CCNY: variants seen among roughly 807,000 people sequenced by gnomAD.
CCNY encodes cyclin-Y.
In CCNY, 19 loss-of-function variants were observed where a neutral mutation model predicts 42.8. The observed-to-expected ratio is 0.44, with a 90% CI of 0.31 to 0.65. The LOEUF (loss-of-function observed/expected upper bound fraction) is 0.65. Among genes scored for constraint, CCNY ranks in the 30% least tolerant of loss-of-function variants. The probability of loss-of-function intolerance (pLI) is 0.07; values close to 1 mark genes in which losing one functional copy is unlikely to be tolerated. For missense variants in CCNY, 370 were observed against 437.3 expected, an observed-to-expected ratio of 0.85 and a Z score of 1.37; for synonymous variants, 165 against 162.7, an observed-to-expected ratio of 1.01 and a Z score of -0.11.
In CCNY at chr10:35,483,454, T is replaced by C; in HGVS notation, c.205T>C (p.Phe69Leu). Reference sequence around the variant, plus strand: ...AGATCATCCTCGGGCCAGCACAATATTCCTCAGTAAATCTCAGACGGACGG... The same window carrying C: ...AGATCATCCTCGGGCCAGCACAATACTCCTCAGTAAATCTCAGACGGACGG... Reference protein sequence around the residue: ...PSDHPRASTIFLSKSQTDVRE... With the variant: ...PSDHPRASTILLSKSQTDVRE... Residue 69 changes from phenylalanine to leucine, a missense_variant, in exon 2 of 10, where the codon TTC becomes CTC. By Grantham distance (22) the Phe-to-Leu change is conservative (BLOSUM62 0). Coordinates refer to ENST00000374704, the MANE Select transcript of CCNY (RefSeq NM_145012.6). 6.2e-7 allele frequency: 1 copy of C among 1,609,030 alleles called. No homozygotes were observed. The highest frequency in any genetic ancestry group is 8.5e-7 in the Non-Finnish European group (1 of 1,176,028).
chr10:35,311,979 C>G (rs1314143858), intron 3 of CCNY, among the ~76,000 whole-genome samples: 3 of 151,860 alleles, frequency 2.0e-5, no homozygotes, highest in African/African-American at 7.3e-5. Flanking sequence ...GAGCAAGACT[C>G]TGTCTAAAAA....
chr10:35,317,463 C>T (rs1835773868), intron 3 of CCNY, among the ~76,000 whole-genome samples: 1 of 152,182 alleles, frequency 6.6e-6, no homozygotes, highest in Non-Finnish European at 1.5e-5. Context: ...CCAAGCAGCA[C>T]ATGTGTTTAA....
At chr10:35,340,915 A>T (rs1050436492) in intron 1 of CCNY, among the ~76,000 whole-genome samples, 2 of 152,010 alleles carry the variant, frequency 1.3e-5, no homozygotes, top group South Asian at 4.1e-4. Context: ...AATATATCAG[A>T]CTTTGACCAC....
At chr10:35,371,950 A>T (rs1010316683) in intron 1 of CCNY, among the ~76,000 whole-genome samples, 1 of 152,236 alleles carries the variant, frequency 6.6e-6, no homozygotes, top group African/African-American at 2.4e-5. Context: ...TGTTTCTGAA[A>T]GATTTCAATG....
chr10:35,508,925 C>T (rs1205742086), intron 3 of CCNY, among the ~76,000 whole-genome samples: 1 of 152,130 alleles, frequency 6.6e-6, no homozygotes, highest in East Asian at 1.9e-4. Flanking sequence ...TTCCCCTCCC[C>T]CACTAGTCTA....
intron 1 of CCNY, chr10:35,394,839 G>A (rs1837487948): frequency 1.0e-6 from 1 of 985,346 alleles, no homozygotes; most frequent in Non-Finnish European, 1.2e-6. Flanking sequence ...CTGAAAGCAG[G>A]AGAAAGTGTT....
intron 3 of CCNY, among the ~76,000 whole-genome samples, chr10:35,298,375 T>G (rs917680803): frequency 1.3e-5 from 2 of 152,260 alleles, no homozygotes; most frequent in Non-Finnish European, 2.9e-5. Context: ...TTGATTAGTT[T>G]TACATTTTCT....
At chr10:35,288,274 A>G (rs1236095565) in intron 3 of CCNY, among the ~76,000 whole-genome samples, 1 of 152,196 alleles carries the variant, frequency 6.6e-6, no homozygotes, top group African/African-American at 2.4e-5. Flanking sequence ...ATCTGAAGAT[A>G]GTTGAAGAAA....
intron 3 of CCNY, among the ~76,000 whole-genome samples, chr10:35,313,482 A>T (rs1296789521): frequency 3.3e-5 from 5 of 152,156 alleles, no homozygotes; most frequent in Non-Finnish European, 4.4e-5. Flanking sequence ...GGCTCTCTGC[A>T]ACAAGCACTT....
At chr10:35,525,281 A>G (rs1289696984) in intron 4 of CCNY, among the ~76,000 whole-genome samples, 1 of 152,114 alleles carries the variant, frequency 6.6e-6, no homozygotes, top group African/African-American at 2.4e-5. Flanking sequence ...TGGGCGGAAT[A>G]TTTTTCTTAC....
At chr10:35,494,162 C>A (rs1839957491) in intron 2 of CCNY, among the ~76,000 whole-genome samples, 1 of 147,836 alleles carries the variant, frequency 6.8e-6, no homozygotes, top group African/African-American at 2.5e-5. Context: ...GTAATCCCAG[C>A]ATTTTGGGAG....
intron 3 of CCNY, among the ~76,000 whole-genome samples, chr10:35,277,290 A>AT (rs1199587935): frequency 3.3e-5 from 5 of 152,260 alleles, no homozygotes; most frequent in African/African-American, 9.6e-5. Context: ...AGAGAATACT[A>AT]TTTTCTTAAC....
chr10:35,434,707 T>C (rs1486147290), intron 1 of CCNY, among the ~76,000 whole-genome samples: 2 of 152,204 alleles, frequency 1.3e-5, no homozygotes, highest in Non-Finnish European at 2.9e-5. Context: ...AAGTAGGTAT[T>C]TTCAGAATGA....
In CCNY at chr10:35,569,451, T is replaced by A; in HGVS notation, c.*281T>A. 2.2e-6 allele frequency: 1 copy of A among 454,812 alleles called. No homozygotes were observed. 28.2% of individuals were successfully genotyped at this position (454,812 alleles called of 1,614,324 possible). On this transcript the variant is annotated 3_prime_UTR_variant, in exon 10 of 10. Transcript: ENST00000374704. ...AGGAAATAAAGGGAAAGGGAAGTCG[T>A]GGAGAGGCAGGGAAAATGGTTAAGC...
intron 1 of CCNY, among the ~76,000 whole-genome samples, chr10:35,414,390 G>T (rs992014957): frequency 6.6e-6 from 1 of 152,206 alleles, no homozygotes; most frequent in East Asian, 1.9e-4. Context: ...GCTGCCCCAC[G>T]TTCCGTGTCC....
chr10:35,370,611 G>A lies in CCNY; in HGVS notation c.154+33404G>A, dbSNP rs532386015. ...TCTTCTCTGGCTCTGTTTTTATTGT[G>A]TGCAGTTATTCCAGAGACTGGCCAG... On this transcript the variant is annotated intron_variant, in intron 1 of 9. Transcript: ENST00000374704. Among the ~76,000 whole-genome samples, 10 of 152,058 alleles carry A rather than the reference G, an allele frequency of 6.6e-5. No homozygotes were observed. In the East Asian group the frequency reaches 1.2e-3, roughly 18 times the overall value.
At chr10:35,520,427 C>T (rs561465906) in intron 4 of CCNY, among the ~76,000 whole-genome samples, 1 of 152,110 alleles carries the variant, frequency 6.6e-6, no homozygotes, top group Non-Finnish European at 1.5e-5. Flanking sequence ...GCACCCTACT[C>T]CAGACATTAA....
At chr10:35,347,160 C>T (rs1836324323) in intron 1 of CCNY, among the ~76,000 whole-genome samples, 1 of 152,204 alleles carries the variant, frequency 6.6e-6, no homozygotes. Context: ...GCTTCAGACA[C>T]ATTGTCCCGT....
chr10:35,387,783 G>A (rs1244235945), intron 1 of CCNY, among the ~76,000 whole-genome samples: 1 of 152,184 alleles, frequency 6.6e-6, no homozygotes, highest in Non-Finnish European at 1.5e-5. Context: ...TTCTTCCTGA[G>A]TGAACTCACT....
Sources: allele counts gnomAD v4.1 joint callset (sites outside exome capture counted in the v4.1 genomes callset), GRCh38; gene constraint gnomAD v4.1.1; transcripts MANE v1.5; gene names NCBI Gene and HGNC (gene_info 2026-07-23, HGNC 2026-07-21).